CHLSN: variants seen among roughly 807,000 people sequenced by gnomAD.
CHLSN encodes the protein protein cholesin.
the CHLSN span, among the ~76,000 whole-genome samples, chr7:1,020,455 G>A: frequency 3.0e-4 from 46 of 152,304 alleles, no homozygotes; most frequent in East Asian, 1.5e-3. Context: ...CCCATCTTGC[G>A]TCTCCACCCA....
At chr7:1,019,217 G>T in the CHLSN span, among the ~76,000 whole-genome samples, 3 of 137,162 alleles carry the variant, frequency 2.2e-5, no homozygotes, top group African/African-American at 7.7e-5. Context: ...AAAAACGGGG[G>T]GGGGGGAGTG....
At chr7:1,112,899 G>A in the CHLSN span, among the ~76,000 whole-genome samples, 5 of 152,054 alleles carry the variant, frequency 3.3e-5, no homozygotes, top group Admixed American at 6.5e-5. Context: ...ACCCCAGAGC[G>A]ATGGAAACGT....
At chr7:1,127,903 C>CCT in the CHLSN span, among the ~76,000 whole-genome samples, 11 of 39,102 alleles carry the variant, frequency 2.8e-4, no homozygotes, top group South Asian at 1.3e-3. Context: ...CTCATCCCAC[C>CCT]GTCACCCGGG....
chr7:1,032,227 C>T, the CHLSN span, among the ~76,000 whole-genome samples: 6 of 152,326 alleles, frequency 3.9e-5, no homozygotes, highest in East Asian at 7.7e-4. Context: ...CCCTCGCACT[C>T]GGCCCGCCTG....
the CHLSN span, among the ~76,000 whole-genome samples, chr7:1,107,799 C>T: frequency 2.0e-4 from 30 of 151,648 alleles, no homozygotes; most frequent in Admixed American, 5.9e-4. Context: ...TCCTGCACCC[C>T]TGGAGGAAGC....
At chr7:1,129,644 A>G in the CHLSN span, among the ~76,000 whole-genome samples, 25 of 152,160 alleles carry the variant, frequency 1.6e-4, no homozygotes, top group Admixed American at 1.6e-3. Context: ...GGGTCTTGCT[A>G]TGCTGCCCAG....
At chr7:1,123,618 T>C in the CHLSN span, among the ~76,000 whole-genome samples, 767 of 151,870 alleles carry the variant, frequency 5.1e-3, 4 homozygotes, top group African/African-American at 0.017. This position sits in a 1 kb window ranked among gnomAD's most constrained non-coding sequence, Gnocchi z 4.4. Flanking sequence ...TTAAAACAAT[T>C]TCCCATGAGA....
At chr7:1,107,741 C>A in the CHLSN span, among the ~76,000 whole-genome samples, 21 of 152,078 alleles carry the variant, frequency 1.4e-4, no homozygotes, top group Non-Finnish European at 2.6e-4. Flanking sequence ...TGCACTGGAG[C>A]CCCACGCCCC....
At chr7:1,088,375 G>C in the CHLSN span, 4,032 of 152,390 alleles carry the variant, frequency 0.026, 130 homozygotes, top group Non-Finnish European at 0.037. This position sits in a 1 kb window ranked among gnomAD's most constrained non-coding sequence, Gnocchi z 4.5. Context: ...GGGAGCGGGT[G>C]GGTGGTGCCA....
the CHLSN span, among the ~76,000 whole-genome samples, chr7:1,033,064 C>T: frequency 6.6e-6 from 1 of 152,190 alleles, no homozygotes; most frequent in Non-Finnish European, 1.5e-5. Context: ...ACCACTACCT[C>T]GATACGAGGG....
At chr7:1,070,300 G>A in the CHLSN span, among the ~76,000 whole-genome samples, 84 of 144,360 alleles carry the variant, frequency 5.8e-4, no homozygotes, top group African/African-American at 2.0e-3. Flanking sequence ...CCATCCGGGA[G>A]GGAGGTGGGG....
At chr7:1,016,810 C>G in the CHLSN span, among the ~76,000 whole-genome samples, 1 of 98,012 alleles carries the variant, frequency 1.0e-5, no homozygotes, top group Non-Finnish European at 1.9e-5. Flanking sequence ...CAGCAGCACA[C>G]ACCAGCGCAC....
chr7:1,032,993 G>A, the CHLSN span, among the ~76,000 whole-genome samples: 2 of 152,148 alleles, frequency 1.3e-5, no homozygotes, highest in Admixed American at 6.5e-5. Flanking sequence ...CTGTGCACTC[G>A]CGGTGCGGAC....
At chr7:1,025,679 A>G in the CHLSN span, 1 of 152,234 alleles carries the variant, frequency 6.6e-6, no homozygotes, top group Non-Finnish European at 1.5e-5. Context: ...GGCTGGTAAC[A>G]GAGCTTTGTA....
the CHLSN span, among the ~76,000 whole-genome samples, chr7:1,066,272 G>T: frequency 6.6e-6 from 1 of 151,804 alleles, no homozygotes; most frequent in African/African-American, 2.4e-5. Context: ...ACGCAGCAAC[G>T]GTGCGGCCGT....
chr7:1,058,271 C>A, the CHLSN span: 1 of 772,594 alleles, frequency 1.3e-6, no homozygotes. Context: ...ACTATCTGAT[C>A]CTGCTGGGGC....
the CHLSN span, among the ~76,000 whole-genome samples, chr7:1,073,196 G>A: frequency 6.6e-6 from 1 of 151,906 alleles, no homozygotes; most frequent in Non-Finnish European, 1.5e-5. Context: ...CACCCACTCT[G>A]CAGCTTCACA....
At chr7:1,044,336 G>A in the CHLSN span, among the ~76,000 whole-genome samples, 702 of 152,370 alleles carry the variant, frequency 4.6e-3, 8 homozygotes, top group African/African-American at 0.016. Context: ...TCCTCCCACA[G>A]GGAATCTCGC....
chr7:1,031,917 A>C, the CHLSN span, among the ~76,000 whole-genome samples: 1 of 152,012 alleles, frequency 6.6e-6, no homozygotes, highest in Non-Finnish European at 1.5e-5. Flanking sequence ...GAACGGGCCG[A>C]GAGTGCGGGG....
Sources: gnomAD v4.1 joint callset for allele counts (sites outside exome capture counted in the v4.1 genomes callset) on GRCh38, gnomAD v4.1.1 for gene constraint, Gnocchi (gnomAD v3.1) non-coding constraint, MANE v1.5 for transcripts, NCBI Gene and HGNC (gene_info 2026-07-23, HGNC 2026-07-21) for gene names.